The following TM9SF2 variants were observed in gnomAD, a reference collection of about 807,000 sequenced individuals.
The protein encoded by TM9SF2 is transmembrane 9 superfamily member 2, also known as 76 kDa membrane protein.
TM9SF2 carries 13 observed loss-of-function variants against 84.9 expected under a neutral mutation model. The ratio of observed to expected loss-of-function variants is 0.15; its 90% CI spans 0.10 to 0.24. The LOEUF (loss-of-function observed/expected upper bound fraction) is 0.24, where lower values mean the gene tolerates loss of function less well. Among genes scored for constraint, TM9SF2 ranks in the 10% least tolerant of loss-of-function variants. TM9SF2 has a pLI of 1.00. For synonymous variants in TM9SF2, 273 were observed against 285.8 expected (o/e 0.96, Z 0.45); for missense variants, 562 against 818.5 (o/e 0.69, Z 3.82).
At chr13:99,540,641 A>C (rs545610307) in intron 7 of TM9SF2, 73 bp from the exon 8 acceptor site, 10 of 1,263,930 alleles carry the variant, frequency 7.9e-6, no homozygotes, top group Non-Finnish European at 1.1e-5. Context: ...ACAAGCTTTG[A>C]ATGGGATTTT....
Position 99,548,500 on chromosome 13 carries a change from T to G in TM9SF2, c.1271-665T>G, listed in dbSNP as rs1037997095. Among the ~76,000 whole-genome samples the G allele has an allele frequency of 3.3e-5, 5 of 152,332 alleles. No individual in the cohort carries two copies. The East Asian group carries it at 9.6e-4, about 29-fold the overall frequency. ...CTGAGATCTCAGCCAGTTTCATTTC[T>G]GACTTAAACTGGGAGCAGACGTGTA... On this transcript the variant is annotated intron_variant, in intron 11 of 16. Transcript: ENST00000376387.
At chr13:99,523,050 T>C (rs2046167194) in intron 3 of TM9SF2, among the ~76,000 whole-genome samples, 1 of 152,200 alleles carries the variant, frequency 6.6e-6, no homozygotes. Flanking sequence ...GCCCCAAACT[T>C]AAAGGGACAG....
chr13:99,532,582 C>T (rs1329101946), intron 4 of TM9SF2, among the ~76,000 whole-genome samples: 3 of 151,906 alleles, frequency 2.0e-5, no homozygotes, highest in South Asian at 2.1e-4. Context: ...CCCAGCTACT[C>T]GGGAGGCTGA....
At chr13:99,552,402 A>G (rs1373468312) in intron 13 of TM9SF2, 76 bp downstream of exon 13, 1 of 1,401,542 alleles carries the variant, frequency 7.1e-7, no homozygotes. Flanking sequence ...AAAAGATACC[A>G]TAAAAGTGTG....
intron 3 of TM9SF2, among the ~76,000 whole-genome samples, chr13:99,523,239 A>G (rs1308252064): frequency 6.6e-6 from 1 of 151,786 alleles, no homozygotes; most frequent in Non-Finnish European, 1.5e-5. Context: ...GCAGCCTTGA[A>G]CTCCCAGGCT....
At chr13:99,551,513 G>A (rs1488473893) in intron 12 of TM9SF2, among the ~76,000 whole-genome samples, 1 of 152,216 alleles carries the variant, frequency 6.6e-6, no homozygotes, top group Non-Finnish European at 1.5e-5. Flanking sequence ...TCCCAGGTTA[G>A]GGAAGGCTTT....
At chr13:99,543,820 T>C in intron 9 of TM9SF2, 43 bp from the exon 10 acceptor site, 9 of 1,605,720 alleles carry the variant, frequency 5.6e-6, no homozygotes, top group Non-Finnish European at 7.7e-6. Flanking sequence ...AGTTGTCTTG[T>C]TGATACCATG....
At chr13:99,517,852 A>G (rs1328326281) in intron 2 of TM9SF2, among the ~76,000 whole-genome samples, 171 bp downstream of exon 2, 1 of 152,086 alleles carries the variant, frequency 6.6e-6, no homozygotes, top group Non-Finnish European at 1.5e-5. Context: ...TTTCTTTGTA[A>G]TACAACAGAA....
rs761242258 is a variant in TM9SF2, at chr13:99,501,788, C to A, written c.171+11C>A. ...AGCGACGAGTGCAAGGTGGGTGAGG[C>A]CTGACGAGCCCTCTGATGCACTGTT... On this transcript the variant is annotated intron_variant, in intron 1 of 16. Transcript: ENST00000376387. 1 of 1,604,680 alleles carries A rather than the reference C, an allele frequency of 6.2e-7. No individual in the cohort carries two copies. The highest frequency in any genetic ancestry group is 8.5e-7 in the Non-Finnish European group (1 of 1,178,040).
chr13:99,557,048 T>A, intron 15 of TM9SF2, among the ~76,000 whole-genome samples: 1 of 152,230 alleles, frequency 6.6e-6, no homozygotes, highest in East Asian at 1.9e-4. Flanking sequence ...GAGGTATATA[T>A]CTAGGAGTGG....
intron 3 of TM9SF2, among the ~76,000 whole-genome samples, chr13:99,528,372 A>C (rs541839780): frequency 6.6e-6 from 1 of 152,330 alleles, no homozygotes; most frequent in Admixed American, 6.5e-5. Context: ...GGAGGATTAC[A>C]TGAGGCTTGA....
At chr13:99,557,932 T>A (rs1163957197) in intron 15 of TM9SF2, among the ~76,000 whole-genome samples, 1 of 152,318 alleles carries the variant, frequency 6.6e-6, no homozygotes, top group East Asian at 1.9e-4. Context: ...ACCCCCATGT[T>A]TTCTTCTAAG....
intron 4 of TM9SF2, among the ~76,000 whole-genome samples, chr13:99,531,150 T>G (rs1457915457): frequency 6.6e-6 from 1 of 152,132 alleles, no homozygotes; most frequent in Non-Finnish European, 1.5e-5. Context: ...TGTGAGCCAC[T>G]GCGCCCGGTC....
chr13:99,552,441 T>C, intron 13 of TM9SF2, 115 bp downstream of exon 13: 2 of 1,044,150 alleles, frequency 1.9e-6, no homozygotes, highest in South Asian at 3.7e-5. Flanking sequence ...CTTTAGGATC[T>C]GGATTTCATA....
chr13:99,530,200 G>A (rs1489655496), intron 4 of TM9SF2, among the ~76,000 whole-genome samples: 1 of 152,152 alleles, frequency 6.6e-6, no homozygotes, highest in Non-Finnish European at 1.5e-5. Flanking sequence ...TGAGGCGGTT[G>A]GATCACGAGG....
intron 9 of TM9SF2, 126 bp downstream of exon 9, chr13:99,541,793 A>G (rs2046260763): frequency 1.7e-6 from 1 of 574,748 alleles, no homozygotes; most frequent in South Asian, 2.6e-5. Flanking sequence ...AACAAAAACA[A>G]AAAAATTCTT....
chr13:99,546,944 A>G (rs2046285279), intron 10 of TM9SF2, 41 bp from the exon 11 acceptor site: 5 of 1,609,820 alleles, frequency 3.1e-6, no homozygotes, highest in Non-Finnish European at 4.2e-6. Flanking sequence ...CAAAGGAAAC[A>G]GAGTAATAAC....
intron 8 of TM9SF2, 123 bp downstream of exon 8, chr13:99,540,916 T>G (rs571170561): frequency 1.4e-5 from 12 of 837,766 alleles, no homozygotes; most frequent in African/African-American, 1.0e-4. Context: ...GTTCAAATCC[T>G]GGCTTTCAGC....
rs527383850 is a variant in TM9SF2 at position 99,552,252 on chromosome 13, G to A, written c.1414G>A (p.Ala472Thr). The change falls in exon 13 of 17, where the codon GCC becomes ACC. Residue 472 changes from alanine to threonine, a missense_variant. Coordinates refer to ENST00000376387, the MANE Select transcript of TM9SF2 (RefSeq NM_004800.3). ...SAAIPFGTLV[A>T]ILALWFCISV... ...AGCTATTCCTTTTGGGACACTGGTTGCCATATTGGCCCTTTGGTTCTGCAT... is the reference window on the plus strand; with the variant it reads ...AGCTATTCCTTTTGGGACACTGGTTACCATATTGGCCCTTTGGTTCTGCAT... 1 of 1,614,146 alleles carries A rather than the reference G, an allele frequency of 6.2e-7. No homozygotes were observed. The highest frequency in any genetic ancestry group is 1.3e-5 in the African/African-American group (1 of 75,054).
Sources: allele counts gnomAD v4.1 joint callset (sites outside exome capture counted in the v4.1 genomes callset), GRCh38; gene constraint gnomAD v4.1.1; transcripts MANE v1.5; gene names NCBI Gene and HGNC (gene_info 2026-07-23, HGNC 2026-07-21).